Variants in ARMC9 observed in about 807,000 individuals in gnomAD.
The protein encoded by ARMC9 is lisH domain-containing protein ARMC9.
In ARMC9, 94 loss-of-function variants were observed where a neutral mutation model predicts 107.0. The observed-to-expected ratio is 0.88, with a 90% CI of 0.74 to 1.04. The LOEUF is 1.04. ARMC9 is among the 50% of genes least tolerant of loss of function. The pLI is 0.00. For missense variants in ARMC9, 942 were observed against 1,030.1 expected, an observed-to-expected ratio of 0.91 and a Z score of 1.17; for synonymous variants, 380 against 396.9, an observed-to-expected ratio of 0.96 and a Z score of 0.51.
chr2:231,338,650 C>A (rs1575132071), intron 20 of ARMC9, among the ~76,000 whole-genome samples: 1 of 151,192 alleles, frequency 6.6e-6, no homozygotes, highest in East Asian at 1.9e-4. Context: ...AACGATCTTC[C>A]CACCTCAGCC....
intron 6 of ARMC9, among the ~76,000 whole-genome samples, chr2:231,225,721 C>T (rs991046363): frequency 1.1e-4 from 16 of 152,086 alleles, no homozygotes; most frequent in African/African-American, 3.4e-4. Context: ...CTGGGGAGAG[C>T]AGGGAAAATG....
chr2:231,301,387 T>C (rs1468493843), intron 19 of ARMC9, among the ~76,000 whole-genome samples: 2 of 152,200 alleles, frequency 1.3e-5, no homozygotes, highest in African/African-American at 4.8e-5. Context: ...TTTTTAATAA[T>C]AGATTTTTCC....
At position 231,371,898 on chromosome 2, in the gene ARMC9, C is replaced by A. The variant is rs971254973; in HGVS notation, c.*363C>A. On this transcript the variant is annotated 3_prime_UTR_variant, in exon 25 of 25. Transcript: ENST00000611582. ...ATTTGCAGCCCTGGCCCTCCAGGCC[C>A]CAACAGGGCGACAGTGTAGGGCCAG... 1.7e-5 allele frequency: 4 copies of A among 235,496 alleles called. No individual in the cohort carries two copies. Among genetic ancestry groups the A allele is most frequent in the Non-Finnish European group, 2.5e-5 (3 of 122,188 alleles). The allele number at this position is 235,496 out of a possible 1,614,324, so 14.6% of individuals were successfully genotyped here.
At chr2:231,226,981 A>G (rs998923484) in intron 7 of ARMC9, among the ~76,000 whole-genome samples, 183 bp downstream of exon 7, 6 of 152,158 alleles carry the variant, frequency 3.9e-5, no homozygotes, top group African/African-American at 1.2e-4. Context: ...GAGGGCTGGT[A>G]TTGTTAGCTT....
chr2:231,205,154 C>T (rs966923508), intron 1 of ARMC9, among the ~76,000 whole-genome samples: 3 of 151,070 alleles, frequency 2.0e-5, no homozygotes, highest in Non-Finnish European at 4.4e-5. Flanking sequence ...GATTGCATTA[C>T]CCAGGAGTTT....
At chr2:231,305,551 G>A (rs962907185) in intron 19 of ARMC9, among the ~76,000 whole-genome samples, 4 of 152,136 alleles carry the variant, frequency 2.6e-5, no homozygotes, top group African/African-American at 7.2e-5. Flanking sequence ...TCTTTAATTC[G>A]ACAGGCTATT....
chr2:231,303,425 G>C (rs1366003880), intron 19 of ARMC9, among the ~76,000 whole-genome samples: 2 of 152,160 alleles, frequency 1.3e-5, no homozygotes, highest in African/African-American at 4.8e-5. Flanking sequence ...GGCATCTTTT[G>C]CTTGTTCCTG....
At position 231,272,943 on chromosome 2, in the gene ARMC9, G is replaced by T. The variant is rs1156932223; in HGVS notation, c.1211-12G>T. The T allele has an allele frequency of 1.2e-6, 2 of 1,608,604 alleles. No homozygotes were observed. Among genetic ancestry groups the T allele is most frequent in the East Asian group, 2.2e-5 (1 of 44,848 alleles). ...CTGTCTTTCACCTGTTTCATCTCTG[G>T]TGTATTATCAGGTCGCCTCTACCTT... On this transcript the variant is annotated splice_polypyrimidine_tract_variant and intron_variant, in intron 13 of 24. Transcript: ENST00000611582.
chr2:231,269,395 CTTCTTTTTTTT>C (rs1483019483), intron 12 of ARMC9, among the ~76,000 whole-genome samples: 27 of 132,630 alleles, frequency 2.0e-4, no homozygotes, highest in African/African-American at 8.0e-4. Flanking sequence ...TTCTTTTCTT[CTTCTTTTTTTT>C]TTTTTTTTTT....
chr2:231,337,258 A>G lies in ARMC9; in HGVS notation c.1878+5361A>G, dbSNP rs541023603. Among the ~76,000 whole-genome samples the G allele has an allele frequency of 1.8e-3, 239 of 131,346 alleles. 1 individual carries two copies. The highest frequency in any genetic ancestry group is 6.6e-3 in the African/African-American group (224 of 34,054). 86.2% of individuals were successfully genotyped at this position (131,346 alleles called of 152,430 possible). A position where few individuals can be genotyped will look rare whatever the true frequency, so the allele number is the denominator to read the frequency against. Reference sequence around the variant, plus strand: ...ATTTGTTGGAACTGACTCAATGTCTATACGTGTGTGTGTATATATATATAT... The same window carrying G: ...ATTTGTTGGAACTGACTCAATGTCTGTACGTGTGTGTGTATATATATATAT... On this transcript the variant is annotated intron_variant, in intron 20 of 24. Transcript: ENST00000611582.
chr2:231,254,938 A>G (rs1190265731), intron 9 of ARMC9, among the ~76,000 whole-genome samples: 1 of 152,114 alleles, frequency 6.6e-6, no homozygotes, highest in African/African-American at 2.4e-5. Context: ...ATACATTTCT[A>G]ACTGATCAGA....
At chr2:231,236,532 C>T (rs374319263) in intron 8 of ARMC9, among the ~76,000 whole-genome samples, 67 of 152,336 alleles carry the variant, frequency 4.4e-4, no homozygotes, top group African/African-American at 1.5e-3. Context: ...CACAGTGGCT[C>T]ACGCCTGTAA....
chr2:231,290,010 A>G (rs2040877943), intron 17 of ARMC9, among the ~76,000 whole-genome samples: 2 of 152,316 alleles, frequency 1.3e-5, no homozygotes, highest in African/African-American at 2.4e-5. Flanking sequence ...ACTAGAGGCT[A>G]TTTCTTCAGG....
chr2:231,255,180 AACACACACACACAC>A lies in ARMC9; in HGVS notation c.880-1378_880-1365del, dbSNP rs3042595. 7.0e-4 allele frequency among the ~76,000 whole-genome samples: 103 copies of A among 146,866 alleles called. No homozygotes were observed. The highest frequency in any genetic ancestry group is 5.3e-3 in the South Asian group (24 of 4,548). ...AGCACTACCTGTAGTGGCAAAAAGAAACACACACACACACACACACACACACACACACACACACA... is the reference window on the plus strand; with the variant it reads ...AGCACTACCTGTAGTGGCAAAAAGAAACACACACACACACACACACACACA... On this transcript the variant is annotated intron_variant, in intron 9 of 24. Coordinates refer to ENST00000611582, the MANE Select transcript of ARMC9 (RefSeq NM_001352754.2). The surrounding 1 kb of genome is among the most constrained non-coding windows in gnomAD (Gnocchi z 4.7).
At chr2:231,319,491 T>C (rs1234468575) in intron 19 of ARMC9, among the ~76,000 whole-genome samples, 1 of 152,242 alleles carries the variant, frequency 6.6e-6, no homozygotes, top group Non-Finnish European at 1.5e-5. Flanking sequence ...AACCCAGATG[T>C]GGGCATAACA....
chr2:231,333,593 G>A (rs1328148269), intron 20 of ARMC9, among the ~76,000 whole-genome samples: 2 of 152,224 alleles, frequency 1.3e-5, no homozygotes, highest in African/African-American at 2.4e-5. Flanking sequence ...GCTTGACTAG[G>A]CCTCTGTCGC....
intron 9 of ARMC9, among the ~76,000 whole-genome samples, chr2:231,241,708 C>T (rs889056155): frequency 3.7e-4 from 56 of 151,626 alleles, no homozygotes; most frequent in African/African-American, 1.3e-3. Flanking sequence ...ATATGAGAAA[C>T]GAGAAGGTAG....
intron 1 of ARMC9, among the ~76,000 whole-genome samples, chr2:231,203,966 C>G (rs1395891706): frequency 6.6e-6 from 1 of 151,282 alleles, no homozygotes; most frequent in Non-Finnish European, 1.5e-5. Context: ...GTCTCAAAAA[C>G]AAACAAACAA....
chr2:231,256,342 G>A (rs1574825813), intron 9 of ARMC9: 3 of 1,514,650 alleles, frequency 2.0e-6, no homozygotes, highest in Non-Finnish European at 2.7e-6. Flanking sequence ...TGTCGGGTTC[G>A]ACCACTTGGC....
Sources: gnomAD v4.1 joint callset for allele counts (sites outside exome capture counted in the v4.1 genomes callset) on GRCh38, gnomAD v4.1.1 for gene constraint, Gnocchi (gnomAD v3.1) non-coding constraint, MANE v1.5 for transcripts, NCBI Gene and HGNC (gene_info 2026-07-23, HGNC 2026-07-21) for gene names.